CTNND2: variants seen among roughly 807,000 people sequenced by gnomAD.
The protein encoded by CTNND2 is catenin delta-2.
In CTNND2, 22 loss-of-function variants were observed where a neutral mutation model predicts 144.4. The observed-to-expected ratio is 0.15, with a 90% confidence interval of 0.11 to 0.22. The LOEUF (loss-of-function observed/expected upper bound fraction) is 0.22, where lower values mean the gene tolerates loss of function less well. CTNND2 is among the 10% of genes least tolerant of loss of function. CTNND2 has a pLI of 1.00. For missense variants in CTNND2, 1,353 were observed against 1,618.8 expected, an observed-to-expected ratio of 0.84 and a Z score of 2.82; for synonymous variants, 751 against 695.6, an observed-to-expected ratio of 1.08 and a Z score of -1.25.
intron 2 of CTNND2, among the ~76,000 whole-genome samples, chr5:11,708,152 C>A (rs551938705): frequency 1.3e-5 from 2 of 151,802 alleles, no homozygotes; most frequent in East Asian, 3.9e-4. Context: ...GCTCAAGCAA[C>A]CCTCCCACTT....
chr5:11,291,387 C>T (rs1253895435), intron 9 of CTNND2, among the ~76,000 whole-genome samples: 1 of 152,014 alleles, frequency 6.6e-6, no homozygotes, highest in Non-Finnish European at 1.5e-5. Flanking sequence ...CAGTTTTTCT[C>T]CTATTCATTG....
chr5:11,488,360 C>T (rs538662570), intron 3 of CTNND2, among the ~76,000 whole-genome samples: 6 of 152,108 alleles, frequency 3.9e-5, no homozygotes, highest in African/African-American at 7.2e-5. Flanking sequence ...TGTCATATCT[C>T]GCTACTTCTC....
At chr5:11,847,087 G>C (rs991382287) in intron 1 of CTNND2, among the ~76,000 whole-genome samples, 1 of 127,390 alleles carries the variant, frequency 7.8e-6, no homozygotes. Context: ...CTCATTACTG[G>C]GTGTATATCC....
At chr5:11,338,678 G>A (rs1230756354) in intron 9 of CTNND2, among the ~76,000 whole-genome samples, 1 of 152,068 alleles carries the variant, frequency 6.6e-6, no homozygotes, top group Non-Finnish European at 1.5e-5. Flanking sequence ...TAAATTAGGT[G>A]GGTATATTTA....
chr5:11,760,212 C>T (rs1185380018), intron 1 of CTNND2, among the ~76,000 whole-genome samples: 1 of 152,000 alleles, frequency 6.6e-6, no homozygotes, highest in East Asian at 1.9e-4. Context: ...CTTTGGTGTT[C>T]CAGTGCCTAC....
At chr5:11,853,694 A>G (rs1267079168) in intron 1 of CTNND2, among the ~76,000 whole-genome samples, 1 of 152,128 alleles carries the variant, frequency 6.6e-6, no homozygotes, top group Non-Finnish European at 1.5e-5. Flanking sequence ...ATTTGGTGCC[A>G]ATTGCATCCC....
intron 3 of CTNND2, among the ~76,000 whole-genome samples, chr5:11,535,996 G>T (rs1314937051): frequency 6.6e-6 from 1 of 152,174 alleles, no homozygotes; most frequent in Admixed American, 6.5e-5. Context: ...CATTCTCTAT[G>T]TAAAGTGTTT....
Position 11,586,663 on chromosome 5 carries a change from A to G in CTNND2, c.175-21607T>C, listed in dbSNP as rs549493737. Among the ~76,000 whole-genome samples the G allele has an allele frequency of 1.8e-4, 27 of 152,360 alleles. 1 individual carries two copies. The South Asian group carries it at 5.4e-3, about 30-fold the overall frequency. ...AGTGTGTGGACAAATAAATACATAT[A>G]TATTTAACAATGAAAATTCTTTTTT... On this transcript the variant is annotated intron_variant, in intron 2 of 21. Transcript: ENST00000304623.
At chr5:11,069,956 C>T (rs1748069308) in intron 16 of CTNND2, among the ~76,000 whole-genome samples, 1 of 152,162 alleles carries the variant, frequency 6.6e-6, no homozygotes, top group Non-Finnish European at 1.5e-5. Context: ...ATTATCTCAG[C>T]CCTCTACCTT....
chr5:11,543,897 G>A (rs1361750346), intron 3 of CTNND2, among the ~76,000 whole-genome samples: 1 of 152,120 alleles, frequency 6.6e-6, no homozygotes, highest in Non-Finnish European at 1.5e-5. Flanking sequence ...TTTCTTGGAA[G>A]ACCATACCTT....
intron 19 of CTNND2, among the ~76,000 whole-genome samples, 199 bp downstream of exon 19, chr5:10,992,352 G>A (rs1465250696): frequency 6.6e-6 from 1 of 152,216 alleles, no homozygotes; most frequent in Non-Finnish European, 1.5e-5. Context: ...ACCTGTTAGA[G>A]AAGGAGATTT....
intron 3 of CTNND2, among the ~76,000 whole-genome samples, chr5:11,425,327 C>T (rs543638100): frequency 6.6e-6 from 1 of 152,240 alleles, no homozygotes; most frequent in African/African-American, 2.4e-5. Flanking sequence ...TATCCTAATG[C>T]CTGGAAAGGG....
rs367971387 is a variant in CTNND2, at chr5:11,484,982, T to C, written c.288-72913A>G. On this transcript the variant is annotated intron_variant, in intron 3 of 21. Coordinates refer to ENST00000304623, the MANE Select transcript of CTNND2 (RefSeq NM_001332.4). The stretch of plus-strand genomic sequence containing the variant: ...TTTATTTATACCTGATTATATCATA[T>C]ACTTAGGAAAGTCCAAATAATCAAT... Among the ~76,000 whole-genome samples the C allele has an allele frequency of 1.6e-3, 237 of 152,304 alleles. 9 individuals are homozygous for C. In the South Asian group the frequency reaches 0.048, roughly 31 times the overall value.
intron 3 of CTNND2, among the ~76,000 whole-genome samples, chr5:11,453,712 T>C (rs31957): frequency 0.052 from 7,981 of 152,212 alleles, 648 homozygotes; most frequent in African/African-American, 0.17. Flanking sequence ...TCAAAACACA[T>C]TCAGAATTGC....
At chr5:11,645,467 C>T (rs1782297536) in intron 2 of CTNND2, among the ~76,000 whole-genome samples, 1 of 152,126 alleles carries the variant, frequency 6.6e-6, no homozygotes, top group Non-Finnish European at 1.5e-5. Context: ...TTAAAATAAA[C>T]CACTTCTTCC....
chr5:11,271,001 T>A (rs944916215), intron 9 of CTNND2, among the ~76,000 whole-genome samples: 3 of 152,228 alleles, frequency 2.0e-5, no homozygotes, highest in Admixed American at 6.5e-5. Flanking sequence ...AATGTCACTA[T>A]GACTTTAGTT....
intron 9 of CTNND2, among the ~76,000 whole-genome samples, chr5:11,294,189 AAAAAC>A (rs1251128720): frequency 3.9e-5 from 6 of 152,066 alleles, no homozygotes; most frequent in Non-Finnish European, 7.4e-5. Context: ...AAAAAAAAAA[AAAAAC>A]AAAGCCAGTT....
intron 3 of CTNND2, among the ~76,000 whole-genome samples, chr5:11,518,911 A>G (rs1370701819): frequency 6.6e-6 from 1 of 152,196 alleles, no homozygotes; most frequent in Non-Finnish European, 1.5e-5. Context: ...TCATTGAATG[A>G]CACATGACTG....
intron 11 of CTNND2, among the ~76,000 whole-genome samples, chr5:11,186,540 G>A (rs32280): frequency 0.5 from 75,630 of 152,102 alleles, 19,609 homozygotes; most frequent in African/African-American, 0.65. Context: ...TCATTGGATA[G>A]TGTAGTTACC....
Sources: allele counts gnomAD v4.1 joint callset (sites outside exome capture counted in the v4.1 genomes callset), GRCh38; gene constraint gnomAD v4.1.1; transcripts MANE v1.5; gene names NCBI Gene and HGNC (gene_info 2026-07-23, HGNC 2026-07-21).